MACROD2: variants seen among roughly 807,000 people sequenced by gnomAD.
MACROD2 encodes the protein ADP-ribose glycohydrolase MACROD2.
In MACROD2, 36 loss-of-function variants were observed where a neutral mutation model predicts 70.4. That is an observed-to-expected ratio of 0.51 (90% CI 0.39 to 0.68). The LOEUF (loss-of-function observed/expected upper bound fraction) is 0.68. Among genes scored for constraint, MACROD2 ranks in the 30% least tolerant of loss-of-function variants. The pLI is 0.00. For missense variants in MACROD2, 496 were observed against 538.4 expected (o/e 0.92, Z 0.78); for synonymous variants, 172 against 178.8 (o/e 0.96, Z 0.30).
At chr20:14,973,661 G>C (rs1291233390) in intron 5 of MACROD2, among the ~76,000 whole-genome samples, 1 of 152,176 alleles carries the variant, frequency 6.6e-6, no homozygotes, top group Non-Finnish European at 1.5e-5. Context: ...TTTGGGAACA[G>C]TGTGAACTAA....
At chr20:14,483,556 G>A (rs1470891009) in intron 3 of MACROD2, among the ~76,000 whole-genome samples, 7 of 152,190 alleles carry the variant, frequency 4.6e-5, no homozygotes, top group Non-Finnish European at 1.0e-4. Context: ...ACAGGCATGT[G>A]CCGCCACGCC....
chr20:14,513,984 C>A (rs144469551), intron 4 of MACROD2, among the ~76,000 whole-genome samples: 1 of 152,194 alleles, frequency 6.6e-6, no homozygotes, highest in East Asian at 1.9e-4. Flanking sequence ...CATTTTTAGC[C>A]ATGGGCTTCA....
intron 5 of MACROD2, among the ~76,000 whole-genome samples, chr20:15,118,908 A>G (rs983293448): frequency 1.3e-5 from 2 of 152,188 alleles, no homozygotes; most frequent in African/African-American, 4.8e-5. Flanking sequence ...ATTGGCACAG[A>G]TTATTTTTTA....
chr20:14,862,702 T>TATATATATAAATATATATAAAA (rs1555840149), intron 5 of MACROD2, among the ~76,000 whole-genome samples: 1,085 of 32,022 alleles, frequency 0.034, 233 homozygotes, highest in Middle Eastern at 0.065. Flanking sequence ...TATATATAAA[T>TATATATATAAATATATATAAAA]ATATATATAT....
intron 6 of MACROD2, among the ~76,000 whole-genome samples, chr20:15,303,237 C>T (rs2077664136): frequency 6.6e-6 from 1 of 152,114 alleles, no homozygotes; most frequent in South Asian, 2.1e-4. Context: ...CCAATTTGAA[C>T]CTCTAATCTT....
At chr20:15,054,334 C>T (rs919345584) in intron 5 of MACROD2, among the ~76,000 whole-genome samples, 1 of 152,082 alleles carries the variant, frequency 6.6e-6, no homozygotes, top group Non-Finnish European at 1.5e-5. Context: ...TGGCTAACTT[C>T]TTTGTTGTCC....
At chr20:15,839,346 C>T (rs559241779) in intron 8 of MACROD2, among the ~76,000 whole-genome samples, 1 of 152,242 alleles carries the variant, frequency 6.6e-6, no homozygotes, top group East Asian at 1.9e-4. Flanking sequence ...GCCATGGTCT[C>T]ATTGTGAGAA....
intron 8 of MACROD2, among the ~76,000 whole-genome samples, chr20:15,559,565 C>G (rs2048215312): frequency 3.3e-5 from 5 of 152,198 alleles, no homozygotes; most frequent in Admixed American, 3.3e-4. Flanking sequence ...GAATTGAGGA[C>G]AAAGAGCTGA....
At chr20:14,801,729 G>A (rs547300583) in intron 5 of MACROD2, among the ~76,000 whole-genome samples, 2 of 152,138 alleles carry the variant, frequency 1.3e-5, no homozygotes, top group East Asian at 3.9e-4. Context: ...TGGTGCTAGG[G>A]TGACTGAACT....
chr20:15,241,209 A>G (rs1344398595), intron 6 of MACROD2, among the ~76,000 whole-genome samples: 1 of 152,240 alleles, frequency 6.6e-6, no homozygotes, highest in African/African-American at 2.4e-5. Context: ...TCAGTAGATT[A>G]CATAGCTTAT....
At chr20:14,716,665 C>A (rs1055862486) in intron 5 of MACROD2, among the ~76,000 whole-genome samples, 5 of 151,974 alleles carry the variant, frequency 3.3e-5, no homozygotes, top group Admixed American at 6.6e-5. Context: ...AAATGCAGTT[C>A]AATTATATAC....
At chr20:15,715,070 G>A (rs1352238576) in intron 8 of MACROD2, among the ~76,000 whole-genome samples, 1 of 152,110 alleles carries the variant, frequency 6.6e-6, no homozygotes, top group Non-Finnish European at 1.5e-5. Flanking sequence ...TGTTTAGGAA[G>A]CAATACCAAG....
At chr20:14,733,660 A>G in intron 5 of MACROD2, among the ~76,000 whole-genome samples, 1 of 152,208 alleles carries the variant, frequency 6.6e-6, no homozygotes, top group East Asian at 1.9e-4. Flanking sequence ...TCTGCATTTT[A>G]CATTTGTTTC....
At chr20:15,116,122 C>T (rs6079664) in intron 5 of MACROD2, among the ~76,000 whole-genome samples, 84,016 of 152,028 alleles carry the variant, frequency 0.55, 24,367 homozygotes, top group East Asian at 0.87. Context: ...AAAAGTGTTA[C>T]GAAGTTTCTC....
intron 5 of MACROD2, among the ~76,000 whole-genome samples, chr20:15,163,956 C>T (rs562996063): frequency 1.3e-4 from 20 of 152,092 alleles, no homozygotes; most frequent in African/African-American, 4.8e-4. Context: ...GACAAAAATC[C>T]TTCTGAGGAC....
chr20:15,784,934 G>A (rs1374711118), intron 8 of MACROD2, among the ~76,000 whole-genome samples: 1 of 151,770 alleles, frequency 6.6e-6, no homozygotes, highest in Non-Finnish European at 1.5e-5. Flanking sequence ...AGATCACCAG[G>A]TCAGGAGATC....
chr20:15,769,167 A>G (rs1312798315), intron 8 of MACROD2, among the ~76,000 whole-genome samples: 1 of 152,210 alleles, frequency 6.6e-6, no homozygotes, highest in African/African-American at 2.4e-5. Context: ...GTTTTTTTTG[A>G]GACGGAGTCT....
intron 8 of MACROD2, among the ~76,000 whole-genome samples, chr20:15,617,592 A>C (rs1208060549): frequency 6.6e-6 from 1 of 152,230 alleles, no homozygotes; most frequent in Non-Finnish European, 1.5e-5. Flanking sequence ...GGAAAATGCA[A>C]AGTATACACA....
At chr20:15,703,753 G>A (rs975097890) in intron 8 of MACROD2, among the ~76,000 whole-genome samples, 3 of 152,148 alleles carry the variant, frequency 2.0e-5, no homozygotes, top group African/African-American at 7.2e-5. Context: ...TGGGTCTACA[G>A]GATCCTCATA....
Sources: gnomAD v4.1 joint callset for allele counts (sites outside exome capture counted in the v4.1 genomes callset) on GRCh38, gnomAD v4.1.1 for gene constraint, MANE v1.5 for transcripts, NCBI Gene and HGNC (gene_info 2026-07-23, HGNC 2026-07-21) for gene names.